Variants in SELENOP observed in about 807,000 individuals in gnomAD.
SELENOP encodes selenoprotein P, plasma, 1.
In SELENOP, 36 loss-of-function variants were observed where a neutral mutation model predicts 41.0. That is an observed-to-expected ratio of 0.88 (90% CI 0.67 to 1.16). The LOEUF (loss-of-function observed/expected upper bound fraction) is 1.16. SELENOP is among the 50% of genes most tolerant of loss of function. The pLI is 0.00. For synonymous variants in SELENOP, 144 were observed against 150.8 expected, an observed-to-expected ratio of 0.95 and a Z score of 0.33; for missense variants, 440 against 454.2, an observed-to-expected ratio of 0.97 and a Z score of 0.28.
chr5:42,804,360 C>A (rs561121040), intron 4 of SELENOP, among the ~76,000 whole-genome samples: 4 of 152,272 alleles, frequency 2.6e-5, no homozygotes, highest in Admixed American at 6.5e-5. Context: ...ACTCGGGAGA[C>A]TGAGGCAGGA....
rs1760158803 is a variant in SELENOP, at chr5:42,800,500, A to G, written c.*220T>C. On this transcript the variant is annotated 3_prime_UTR_variant, in exon 5 of 5. Coordinates refer to ENST00000514985, the MANE Select transcript of SELENOP (RefSeq NM_005410.4). The stretch of plus-strand genomic sequence containing the variant: ...AGAAAAAAAAAGACATATTAACCAA[A>G]AGCTGCAATCACCTTTCAGTTGCTC... 2 of 503,852 alleles carry G rather than the reference A, an allele frequency of 4.0e-6. No individual in the cohort carries two copies. Among genetic ancestry groups the G allele is most frequent in the Non-Finnish European group, 6.7e-6 (2 of 296,914 alleles). 31.2% of individuals were successfully genotyped at this position (503,852 alleles called of 1,614,324 possible). A position where few individuals can be genotyped will look rare whatever the true frequency, so the allele number is the denominator to read the frequency against.
At chr5:42,807,940 A>C in intron 2 of SELENOP, 1 of 332,610 alleles carries the variant, frequency 3.0e-6, no homozygotes, top group Non-Finnish European at 5.4e-6. Context: ...AAAAAGAAGA[A>C]AAAATTTCCA....
chr5:42,807,233 C>T (rs1760352666), intron 2 of SELENOP, 125 bp from the exon 3 acceptor site: 1 of 515,662 alleles, frequency 1.9e-6, no homozygotes, highest in African/African-American at 1.9e-5. Context: ...ACCCATACTG[C>T]ACCTATTCTT....
chr5:42,807,002 T>C lies in SELENOP; in HGVS notation c.310A>G (p.Lys104Glu). 6.2e-7 allele frequency: 1 copy of C among 1,603,064 alleles called. No individual in the cohort carries two copies. The highest frequency in any genetic ancestry group is 8.5e-7 in the Non-Finnish European group (1 of 1,170,554). Residue 104 changes from lysine (K) to glutamate (E), a missense_variant, in exon 3 of 5, where the codon AAG becomes GAG. Coordinates refer to ENST00000514985, the MANE Select transcript of SELENOP (RefSeq NM_005410.4). ...GGAATATGCTCTGAAACCTTATTCTTAAGATGTGTGTATTTTAATCGAGAA... is the reference window on the plus strand; with the variant it reads ...GGAATATGCTCTGAAACCTTATTCTCAAGATGTGTGTATTTTAATCGAGAA... ...ISSRLKYTHL[K>E]NKVSEHIPVY...
chr5:42,801,143 TGGA>T lies in SELENOP; in HGVS notation c.720_722del (p.Pro241del). The T allele has an allele frequency of 6.2e-7, 1 of 1,614,212 alleles. No homozygotes were observed. The highest frequency in any genetic ancestry group is 8.5e-7 in the Non-Finnish European group (1 of 1,180,040). On this transcript the variant is annotated inframe_deletion, in exon 5 of 5. Coordinates refer to ENST00000514985, the MANE Select transcript of SELENOP (RefSeq NM_005410.4). ...TGTGCTTATGGTGGTGATGAAGGCC[TGGA>T]GGAGCAGGATGAGTAGGAGCATTTG...
chr5:42,802,723 G>T (rs528063680), intron 4 of SELENOP, among the ~76,000 whole-genome samples: 42 of 152,242 alleles, frequency 2.8e-4, no homozygotes, highest in African/African-American at 9.6e-4. Flanking sequence ...TGATTCTCCT[G>T]CCCCAGCCTC....
intron 2 of SELENOP, 115 bp from the exon 3 acceptor site, chr5:42,807,223 A>G: frequency 1.7e-6 from 1 of 580,302 alleles, no homozygotes; most frequent in South Asian, 2.3e-5. Context: ...TTTTTAACTA[A>G]CCCATACTGC....
Position 42,801,245 on chromosome 5 carries a change from A to G in SELENOP, c.621T>C (p.His207=). Reference sequence around the variant, plus strand: ...GATGTCCATGATTGTGATGATGCTCATGATGGTAATGAGGCGATGGAGTTT... The same window carrying G: ...GATGTCCATGATTGTGATGATGCTCGTGATGGTAATGAGGCGATGGAGTTT... The part of the protein sequence containing the change: ...TVETPSPHYH[H]EHHHNHGHQH... Residue 207 remains histidine (H), a synonymous_variant, in exon 5 of 5, where the codon CAT becomes CAC. Coordinates refer to ENST00000514985, the MANE Select transcript of SELENOP (RefSeq NM_005410.4). The G allele has an allele frequency of 1.9e-6, 3 of 1,614,182 alleles. No homozygotes were observed. The highest frequency in any genetic ancestry group is 8.5e-7 in the Non-Finnish European group (1 of 1,180,006).
At chr5:42,811,128 C>T (rs1239825985) in intron 1 of SELENOP, among the ~76,000 whole-genome samples, 1 of 152,272 alleles carries the variant, frequency 6.6e-6, no homozygotes, top group African/African-American at 2.4e-5. Flanking sequence ...ACATTCAGAC[C>T]TACATTTATT....
chr5:42,810,900 T>G (rs541720872), intron 1 of SELENOP: 155 of 300,980 alleles, frequency 5.1e-4, no homozygotes, highest in African/African-American at 3.4e-3. Flanking sequence ...GGATTTCTTC[T>G]GTCATTATAA....
chr5:42,808,754 C>CA (rs771818679), intron 1 of SELENOP, among the ~76,000 whole-genome samples: 307 of 115,142 alleles, frequency 2.7e-3, no homozygotes, highest in Admixed American at 3.8e-3. Context: ...TAAAATTATA[C>CA]AAAAAAAAAA....
At chr5:42,808,058 C>T (rs1164390845) in intron 2 of SELENOP, 93 bp downstream of exon 2, 11 of 540,720 alleles carry the variant, frequency 2.0e-5, no homozygotes, top group Non-Finnish European at 3.2e-5. Flanking sequence ...TGACTTAATA[C>T]ATTATTTACA....
chr5:42,804,867 G>T, intron 3 of SELENOP, 94 bp from the exon 4 acceptor site: 1 of 771,338 alleles, frequency 1.3e-6, no homozygotes, highest in Non-Finnish European at 2.1e-6. Flanking sequence ...AGGTTTAATG[G>T]TCATAACTAA....
chr5:42,804,712 C>T lies in SELENOP; in HGVS notation c.478G>A (p.Glu160Lys), dbSNP rs1760292783. ...PFSFLTFPYVEEAIKIAYCEK... is the reference protein window; with the variant it reads ...PFSFLTFPYVKEAIKIAYCEK... The stretch of plus-strand genomic sequence containing the variant: ...CAGTAAGCAATCTTAATGGCTTCTT[C>T]TACATATGGGAAAGTTAGGAAGGAA... Residue 160 changes from glutamate (E) to lysine (K), a missense_variant, in exon 4 of 5, where the codon GAA becomes AAA. Coordinates refer to ENST00000514985, the MANE Select transcript of SELENOP (RefSeq NM_005410.4). The T allele has an allele frequency of 6.2e-7, 1 of 1,611,402 alleles. No individual in the cohort carries two copies. The highest frequency in any genetic ancestry group is 2.2e-5 in the East Asian group (1 of 44,728).
rs554284602 is a variant in SELENOP at position 42,808,551 on chromosome 5, G to A, written c.-13-185C>T. On this transcript the variant is annotated intron_variant, in intron 1 of 4. Transcript: ENST00000514985. ...AAGTCTGTGACTTATGTAACATTCT[G>A]CAAACACAACCTAACTTTTGTTTGA... The A allele has an allele frequency of 3.1e-4, 92 of 293,982 alleles. 1 individual carries two copies. The South Asian group carries it at 0.014, about 44-fold the overall frequency. 18.2% of individuals were successfully genotyped at this position (293,982 alleles called of 1,614,324 possible). A position where few individuals can be genotyped will look rare whatever the true frequency, so the allele number is the denominator to read the frequency against.
chr5:42,808,313 A>C lies in SELENOP; in HGVS notation c.41T>G (p.Leu14Arg). The C allele has an allele frequency of 6.8e-7, 1 of 1,468,056 alleles. No individual in the cohort carries two copies. The allele number at this position is 1,468,056 out of a possible 1,614,324, so 90.9% of individuals were successfully genotyped here. A position where few individuals can be genotyped will look rare whatever the true frequency, so the allele number is the denominator to read the frequency against. The change falls in exon 2 of 5, where the codon CTC (leucine) becomes CGC (arginine). Residue 14 changes from leucine to arginine, a missense_variant. By Grantham distance (102) the Leu-to-Arg change is moderately radical. Transcript: ENST00000514985. ...CTGGCTCTCTGTTCCTCCCGATGGG[A>C]GGAGACAGAGAGCCAGGGCAAGCCC... ...SLGLALALCL[L>R]PSGGTESQDQ...
intron 4 of SELENOP, among the ~76,000 whole-genome samples, chr5:42,803,553 T>G (rs989817814): frequency 6.6e-6 from 1 of 152,200 alleles, no homozygotes; most frequent in African/African-American, 2.4e-5. Context: ...GGCGGCTTTC[T>G]TTAGACCTGG....
At chr5:42,809,289 T>A (rs1760410005) in intron 1 of SELENOP, among the ~76,000 whole-genome samples, 2 of 152,226 alleles carry the variant, frequency 1.3e-5, no homozygotes, top group South Asian at 4.1e-4. Context: ...CAGCACTTTC[T>A]TTGGTAAAAA....
rs139954673 is a variant in SELENOP at position 42,801,218 on chromosome 5, C to T, written c.648G>A (p.Gln216=). 133 of 1,614,074 alleles carry T rather than the reference C, an allele frequency of 8.2e-5. No individual in the cohort carries two copies. The East Asian group carries it at 2.8e-3, about 34-fold the overall frequency. The change falls in exon 5 of 5, where the codon CAG becomes CAA. Residue 216 remains glutamine (Q), a synonymous_variant. Coordinates refer to ENST00000514985, the MANE Select transcript of SELENOP (RefSeq NM_005410.4). ...CTGAAAGCTCACTGCTGCCAAGGTG[C>T]TGATGTCCATGATTGTGATGATGCT... The part of the protein sequence containing the change: ...HHEHHHNHGH[Q]HLGSSELSEN...
Sources: allele counts gnomAD v4.1 joint callset (sites outside exome capture counted in the v4.1 genomes callset), GRCh38; gene constraint gnomAD v4.1.1; transcripts MANE v1.5; gene names NCBI Gene and HGNC (gene_info 2026-07-23, HGNC 2026-07-21).